DLGAP2: variants seen among roughly 807,000 people sequenced by gnomAD.
DLGAP2 encodes disks large-associated protein 2.
In DLGAP2, 26 loss-of-function variants were observed where a neutral mutation model predicts 100.3. The ratio of observed to expected loss-of-function variants is 0.26; its 90% confidence interval spans 0.19 to 0.36. The LOEUF is 0.36. DLGAP2 is among the 10% of genes least tolerant of loss of function. DLGAP2 has a pLI of 1.00. For missense variants in DLGAP2, 1,858 were observed against 1,453.2 expected (o/e 1.28, Z -4.53); for synonymous variants, 886 against 630.1 (o/e 1.41, Z -6.08).
At chr8:1,357,976 A>T (rs1427342971) in intron 3 of DLGAP2, among the ~76,000 whole-genome samples, 1 of 152,142 alleles carries the variant, frequency 6.6e-6, no homozygotes, top group Non-Finnish European at 1.5e-5. Context: ...GACAGACCCA[A>T]TCGACTTAGA....
rs762270251 is a variant in DLGAP2 at position 1,549,066 on chromosome 8, G to T, written c.613G>T (p.Asp205Tyr). 9 of 1,589,808 alleles carry T rather than the reference G, an allele frequency of 5.7e-6. No homozygotes were observed. The highest frequency in any genetic ancestry group is 7.7e-6 in the Non-Finnish European group (9 of 1,172,124). Residue 205 changes from aspartate to tyrosine, a missense_variant, in exon 5 of 15, where the codon GAC becomes TAC. Coordinates refer to ENST00000637795, the MANE Select transcript of DLGAP2 (RefSeq NM_001346810.2). ...QFEKQLPLHR[D>Y]GFHTLQYQRT... is the part of the protein sequence containing the mutation. ...CGAGAAGCAGCTGCCGCTGCACCGG[G>T]ACGGCTTCCACACGCTGCAGTACCA...
chr8:1,261,685 G>C (rs1288054050), intron 3 of DLGAP2, among the ~76,000 whole-genome samples: 1 of 152,226 alleles, frequency 6.6e-6, no homozygotes, highest in African/African-American at 2.4e-5. Flanking sequence ...CCAGATCAGG[G>C]AGGAGGAAGG....
intron 2 of DLGAP2, among the ~76,000 whole-genome samples, chr8:915,734 T>TGTCC (rs1158508825): frequency 6.6e-6 from 1 of 152,164 alleles, no homozygotes; most frequent in Non-Finnish European, 1.5e-5. Context: ...TTCATCTCTC[T>TGTCC]GTCCGTCCGT....
At chr8:846,754 C>T (rs1797078064) in intron 1 of DLGAP2, among the ~76,000 whole-genome samples, 1 of 152,176 alleles carries the variant, frequency 6.6e-6, no homozygotes, top group Non-Finnish European at 1.5e-5. Context: ...TTTCTTTCCT[C>T]CACATCCTTC....
intron 6 of DLGAP2, among the ~76,000 whole-genome samples, chr8:1,594,794 A>T (rs1055533889): frequency 6.6e-6 from 1 of 152,148 alleles, no homozygotes; most frequent in South Asian, 2.1e-4. Flanking sequence ...TTTTAAAAAA[A>T]AGTTAAACAT....
At chr8:1,294,433 C>A (rs1800125845) in intron 3 of DLGAP2, among the ~76,000 whole-genome samples, 1 of 152,080 alleles carries the variant, frequency 6.6e-6, no homozygotes, top group African/African-American at 2.4e-5. Flanking sequence ...CCCCATTTTT[C>A]TGATGAGTCA....
chr8:971,497 G>C (rs555518483), intron 2 of DLGAP2, among the ~76,000 whole-genome samples: 193 of 152,334 alleles, frequency 1.3e-3, no homozygotes, highest in African/African-American at 4.2e-3. Context: ...AGCAGCCCCA[G>C]CTGGAGTCAG....
At chr8:1,169,799 T>A (rs1266247377) in intron 2 of DLGAP2, among the ~76,000 whole-genome samples, 2 of 151,900 alleles carry the variant, frequency 1.3e-5, no homozygotes, top group Non-Finnish European at 2.9e-5. Flanking sequence ...CAGTGGGATT[T>A]TCTAGATATA....
chr8:1,494,540 C>G (rs1799489513), intron 3 of DLGAP2, among the ~76,000 whole-genome samples: 1 of 152,074 alleles, frequency 6.6e-6, no homozygotes. Flanking sequence ...ACAAGCCTGG[C>G]CAACATGATG....
At chr8:1,046,390 A>G (rs1004550968) in intron 2 of DLGAP2, among the ~76,000 whole-genome samples, 2 of 152,110 alleles carry the variant, frequency 1.3e-5, no homozygotes, top group African/African-American at 4.8e-5. Context: ...CATGATCTAA[A>G]TTCCCCCTCC....
At chr8:1,211,500 C>T (rs868266650) in intron 2 of DLGAP2, among the ~76,000 whole-genome samples, 4 of 152,244 alleles carry the variant, frequency 2.6e-5, no homozygotes, top group African/African-American at 9.6e-5. Flanking sequence ...AAAGTACTCT[C>T]ATTGTATTTA....
At chr8:1,591,689 T>TGG (rs1563242733) in intron 6 of DLGAP2, among the ~76,000 whole-genome samples, 5 of 151,470 alleles carry the variant, frequency 3.3e-5, no homozygotes, top group African/African-American at 9.7e-5. Flanking sequence ...CCCAAAGGCA[T>TGG]GTGTGCAGCC....
intron 3 of DLGAP2, among the ~76,000 whole-genome samples, chr8:1,268,251 T>A (rs1406895990): frequency 1.4e-4 from 22 of 152,188 alleles, no homozygotes; most frequent in Admixed American, 1.4e-3. Context: ...AATTTAAACA[T>A]CAGGCCGTGG....
At chr8:1,408,403 A>G (rs1411874236) in intron 3 of DLGAP2, among the ~76,000 whole-genome samples, 1 of 151,710 alleles carries the variant, frequency 6.6e-6, no homozygotes, top group African/African-American at 2.4e-5. Flanking sequence ...CAAGTTCGCC[A>G]CAACCTGTTA....
intron 6 of DLGAP2, among the ~76,000 whole-genome samples, chr8:1,606,080 C>T (rs554301219): frequency 6.6e-6 from 1 of 152,268 alleles, no homozygotes; most frequent in South Asian, 2.1e-4. Context: ...ACTCTGCTGC[C>T]CCAGAGCTCC....
chr8:791,501 A>T lies in DLGAP2; in HGVS notation c.18+53676A>T, dbSNP rs552323242. Among the ~76,000 whole-genome samples the T allele has an allele frequency of 3.9e-5, 6 of 152,368 alleles. No homozygotes were observed. The South Asian group carries it at 1.2e-3, about 32-fold the overall frequency. ...ATCCTCCCCACTTGTAACTGGATCT[A>T]ATAAGTCTCTGGTGTCTCAATAGGT... On this transcript the variant is annotated intron_variant, in intron 1 of 14. Coordinates refer to ENST00000637795, the MANE Select transcript of DLGAP2 (RefSeq NM_001346810.2).
At chr8:1,319,141 G>C (rs1227957028) in intron 3 of DLGAP2, among the ~76,000 whole-genome samples, 2 of 152,158 alleles carry the variant, frequency 1.3e-5, no homozygotes, top group Non-Finnish European at 2.9e-5. Flanking sequence ...CTGGGATCTT[G>C]TGCTCGCTGC....
chr8:1,046,226 T>G (rs1228814930), intron 2 of DLGAP2, among the ~76,000 whole-genome samples: 1 of 152,238 alleles, frequency 6.6e-6, no homozygotes, highest in African/African-American at 2.4e-5. Flanking sequence ...TTGTTCTGCC[T>G]TGAATGCAAT....
chr8:1,092,478 A>G (rs1804217964), intron 2 of DLGAP2, among the ~76,000 whole-genome samples: 1 of 151,942 alleles, frequency 6.6e-6, no homozygotes, highest in African/African-American at 2.4e-5. Context: ...CCTGCAGAGG[A>G]TTTCAGGGGT....
Sources: gnomAD v4.1 joint callset for allele counts (sites outside exome capture counted in the v4.1 genomes callset) on GRCh38, gnomAD v4.1.1 for gene constraint, MANE v1.5 for transcripts, NCBI Gene and HGNC (gene_info 2026-07-23, HGNC 2026-07-21) for gene names.